FNBP1: variants seen among roughly 807,000 people sequenced by gnomAD.
The protein encoded by FNBP1 is formin-binding protein 1.
A neutral mutation model predicts 90.6 loss-of-function variants in FNBP1; 26 were observed. The ratio of observed to expected loss-of-function variants is 0.29; its 90% CI spans 0.21 to 0.40. The LOEUF (loss-of-function observed/expected upper bound fraction) is 0.40, where lower values mean the gene tolerates loss of function less well. Ranked by LOEUF, FNBP1 falls within the 10% of genes least tolerant of loss-of-function variation. The pLI, the probability that FNBP1 is intolerant of heterozygous loss-of-function variation, is 1.00. For missense variants in FNBP1, 635 were observed against 768.0 expected (o/e 0.83, Z 2.05); for synonymous variants, 260 against 265.2 (o/e 0.98, Z 0.19).
chr9:130,044,093 AG>A (rs1254814197), upstream of FNBP1, among the ~76,000 whole-genome samples: 1 of 152,180 alleles, frequency 6.6e-6, no homozygotes, highest in Non-Finnish European at 1.5e-5. Context: ...ATATATCCAA[AG>A]GTCTGCACAA....
At chr9:130,026,463 C>G (rs1564608170) in intron 1 of FNBP1, among the ~76,000 whole-genome samples, 1 of 151,930 alleles carries the variant, frequency 6.6e-6, no homozygotes, top group Non-Finnish European at 1.5e-5. Context: ...TACTGCACTC[C>G]AGCGTGGGCA....
chr9:129,916,296 T>G, intron 10 of FNBP1: 3 of 295,110 alleles, frequency 1.0e-5, no homozygotes, highest in African/African-American at 2.2e-5. Flanking sequence ...AGTAAGCTTA[T>G]AGTCAGTGAC....
At chr9:129,931,814 C>T (rs534401563) in intron 6 of FNBP1, among the ~76,000 whole-genome samples, 3 of 148,098 alleles carry the variant, frequency 2.0e-5, no homozygotes, top group South Asian at 4.3e-4. Flanking sequence ...AAACAAAACA[C>T]CAAACAAACA....
chr9:129,893,636 A>AAAAAAAAAAAAAAAAAC (rs2035345467), intron 16 of FNBP1, among the ~76,000 whole-genome samples: 2 of 141,502 alleles, frequency 1.4e-5, no homozygotes, highest in Non-Finnish European at 3.1e-5. Flanking sequence ...AAAAAAAAAA[A>AAAAAAAAAAAAAAAAAC]AGCCAGGCAC....
At chr9:130,021,150 A>G (rs1264682274) in intron 1 of FNBP1, among the ~76,000 whole-genome samples, 1 of 152,240 alleles carries the variant, frequency 6.6e-6, no homozygotes, top group Non-Finnish European at 1.5e-5. Context: ...ATGACACATT[A>G]GTAGAGCAGT....
chr9:130,038,279 C>A (rs1384674476), intron 1 of FNBP1, among the ~76,000 whole-genome samples: 1 of 147,088 alleles, frequency 6.8e-6, no homozygotes, highest in Admixed American at 6.8e-5. Context: ...GGCGTCAACC[C>A]GGGAGGCGGA....
intron 6 of FNBP1, among the ~76,000 whole-genome samples, chr9:129,946,004 C>A (rs993149212): frequency 2.9e-4 from 44 of 152,190 alleles, no homozygotes; most frequent in Non-Finnish European, 8.8e-5. Flanking sequence ...CCTATCTCTA[C>A]TAAAAATACA....
chr9:129,893,872 T>C (rs1307414873), intron 16 of FNBP1, among the ~76,000 whole-genome samples: 2 of 145,152 alleles, frequency 1.4e-5, no homozygotes, highest in Non-Finnish European at 3.0e-5. Context: ...GCCAAGATTG[T>C]GCCACCGCAC....
chr9:129,924,887 T>G lies in FNBP1; in HGVS notation c.987+73A>C. The G allele has an allele frequency of 4.6e-6, 6 of 1,316,936 alleles. No homozygotes were observed. The South Asian group carries it at 8.6e-5, about 19-fold the overall frequency. The allele number at this position is 1,316,936 out of a possible 1,614,324, so 81.6% of individuals were successfully genotyped here. A position where few individuals can be genotyped will look rare whatever the true frequency, so the allele number is the denominator to read the frequency against. ...TGAAACTACAGGTTTAGGATCTTAG[T>G]TTTTCTAAGACTAAAAGATCAAGTC... is the stretch of plus-strand genomic sequence containing the variant. On this transcript the variant is annotated intron_variant, in intron 9 of 16. Coordinates refer to ENST00000446176, the MANE Select transcript of FNBP1 (RefSeq NM_015033.3).
chr9:130,051,089 T>C, the FNBP1 span, among the ~76,000 whole-genome samples: 1 of 151,820 alleles, frequency 6.6e-6, no homozygotes, highest in East Asian at 1.9e-4. Flanking sequence ...TTAGTAGAGA[T>C]GGGGTTTTGC....
chr9:129,957,485 T>C lies in FNBP1; in HGVS notation c.409-21A>G, dbSNP rs1383598203. On this transcript the variant is annotated intron_variant, in intron 5 of 16. Transcript: ENST00000446176. This position sits in a 1 kb window ranked among gnomAD's most constrained non-coding sequence, Gnocchi z 4.3. The stretch of plus-strand genomic sequence containing the variant: ...TTACTCTAAAATCAGAGGAAAATAA[T>C]TATGAAACCATAAGAGTCCTACGAG... The C allele has an allele frequency of 6.5e-7, 1 of 1,540,142 alleles. No homozygotes were observed. Among genetic ancestry groups the C allele is most frequent in the African/African-American group, 1.4e-5 (1 of 73,504 alleles).
Position 129,890,646 on chromosome 9 carries a change from T to TGGGAG in FNBP1, c.1847-105_1847-101dup. 1 of 442,028 alleles carries TGGGAG rather than the reference T, an allele frequency of 2.3e-6. No individual in the cohort carries two copies. The highest frequency in any genetic ancestry group is 4.3e-6 in the Non-Finnish European group (1 of 230,820). The allele number at this position is 442,028 out of a possible 1,614,324, so 27.4% of individuals were successfully genotyped here. On this transcript the variant is annotated intron_variant, in intron 16 of 16. Coordinates refer to ENST00000446176, the MANE Select transcript of FNBP1 (RefSeq NM_015033.3). The surrounding 1 kb of genome is among the most constrained non-coding windows in gnomAD (Gnocchi z 5.8). ...CTCTTGGCTACAAACTGCACCGCCC[T>TGGGAG]GGGAGGGGAGGGTAGTGGGAGGGGA...
At chr9:130,021,776 T>C (rs1327744994) in intron 1 of FNBP1, among the ~76,000 whole-genome samples, 8 of 152,240 alleles carry the variant, frequency 5.3e-5, no homozygotes, top group Admixed American at 1.3e-4. Flanking sequence ...AGCATTTGCA[T>C]TGGCTTTTAA....
rs780624030 is a variant in FNBP1 at position 129,978,561 on chromosome 9, G to A, written c.249C>T (p.Tyr83=). ...FISNLNEMND[Y]AGQHEVISEN... ...CGGAGATAACTTCATGCTGCCCTGC[G>A]TAATCATTCATTTCGTTCAGGTTGG... Residue 83 remains tyrosine, a synonymous_variant, in exon 4 of 17, where the codon TAC becomes TAT. Coordinates refer to ENST00000446176, the MANE Select transcript of FNBP1 (RefSeq NM_015033.3). 1.7e-5 allele frequency: 28 copies of A among 1,613,504 alleles called. No homozygotes were observed. In the East Asian group the frequency reaches 2.9e-4, roughly 17 times the overall value.
chr9:130,040,421 C>G (rs1164306421), intron 1 of FNBP1, among the ~76,000 whole-genome samples: 3 of 152,038 alleles, frequency 2.0e-5, no homozygotes, highest in African/African-American at 7.2e-5. Flanking sequence ...GAGTTTGAGA[C>G]CAGCCTGGCC....
At chr9:129,960,628 G>A (rs1420594559) in intron 4 of FNBP1, among the ~76,000 whole-genome samples, 1 of 152,090 alleles carries the variant, frequency 6.6e-6, no homozygotes, top group Non-Finnish European at 1.5e-5. Flanking sequence ...TGAGGTCAGA[G>A]AAGAAAGAGG....
intron 12 of FNBP1, among the ~76,000 whole-genome samples, chr9:129,907,348 G>T (rs555983586): frequency 6.6e-6 from 1 of 152,030 alleles, no homozygotes; most frequent in South Asian, 2.1e-4. Flanking sequence ...ATTTTATTTC[G>T]CAGACACTTA....
At chr9:129,993,158 C>A (rs1394791115) in intron 2 of FNBP1, among the ~76,000 whole-genome samples, 2 of 144,138 alleles carry the variant, frequency 1.4e-5, no homozygotes, top group African/African-American at 5.1e-5. Context: ...ACCTGGGAGG[C>A]GGAGATTGCA....
chr9:129,899,804 G>GGAAGGA (rs1317323499), intron 15 of FNBP1, among the ~76,000 whole-genome samples, 161 bp downstream of exon 15: 1 of 115,024 alleles, frequency 8.7e-6, no homozygotes, highest in African/African-American at 3.5e-5. Context: ...GGAAGGAAGG[G>GGAAGGA]GAAGGGGAAG....
Sources: allele counts gnomAD v4.1 joint callset (sites outside exome capture counted in the v4.1 genomes callset), GRCh38; gene constraint gnomAD v4.1.1; non-coding constraint Gnocchi (gnomAD v3.1); transcripts MANE v1.5; gene names NCBI Gene and HGNC (gene_info 2026-07-23, HGNC 2026-07-21).